Variants in UBE2K observed in about 807,000 individuals in gnomAD.
UBE2K encodes the protein ubiquitin-conjugating enzyme E2 K.
A neutral mutation model predicts 30.0 loss-of-function variants in UBE2K; 6 were observed. That is an observed-to-expected ratio of 0.20 (90% confidence interval 0.11 to 0.39). The LOEUF is 0.39. Among genes scored for constraint, UBE2K ranks in the 10% least tolerant of loss-of-function variants. The probability of loss-of-function intolerance (pLI) is 1.00; values close to 1 mark genes in which losing one functional copy is unlikely to be tolerated. For synonymous variants in UBE2K, 86 were observed against 83.7 expected, an observed-to-expected ratio of 1.03 and a Z score of -0.15; for missense variants, 61 against 241.6, an observed-to-expected ratio of 0.25 and a Z score of 4.96.
At chr4:39,710,709 G>A (rs1718618902) in intron 1 of UBE2K, among the ~76,000 whole-genome samples, 1 of 152,078 alleles carries the variant, frequency 6.6e-6, no homozygotes, top group Non-Finnish European at 1.5e-5. Flanking sequence ...TTTGAAACCA[G>A]GTCTGTGCGT....
At chr4:39,714,810 A>C (rs544501895) in intron 1 of UBE2K, among the ~76,000 whole-genome samples, 1 of 150,940 alleles carries the variant, frequency 6.6e-6, no homozygotes, top group South Asian at 2.1e-4. Flanking sequence ...TGGCCTCCCT[A>C]AGTGCTGGGA....
intron 4 of UBE2K, chr4:39,771,034 T>A: frequency 1.2e-6 from 2 of 1,612,356 alleles, no homozygotes; most frequent in African/African-American, 2.7e-5. Context: ...GACCCCATCC[T>A]CTTTGAGGCC....
At chr4:39,752,322 TTTCTTTTTTTTTC>T (rs1467720847) in intron 3 of UBE2K, among the ~76,000 whole-genome samples, 1,169 of 109,186 alleles carry the variant, frequency 0.011, 24 homozygotes, top group South Asian at 0.021. Context: ...TTTTTTTTTT[TTTCTTTTTTTTTC>T]TTTTTTTTTT....
At chr4:39,768,866 TTATC>T (rs1712537377) in intron 4 of UBE2K, among the ~76,000 whole-genome samples, 1 of 152,172 alleles carries the variant, frequency 6.6e-6, no homozygotes, top group Non-Finnish European at 1.5e-5. Flanking sequence ...TGTTTTTTAT[TTATC>T]TATTTTTGAT....
chr4:39,770,134 C>A, intron 4 of UBE2K: 1 of 1,596,438 alleles, frequency 6.3e-7, no homozygotes, highest in Non-Finnish European at 8.5e-7. Flanking sequence ...ACGTTCTCGG[C>A]GGTGGTCTTG....
intron 2 of UBE2K, among the ~76,000 whole-genome samples, chr4:39,741,614 T>C (rs567414444): frequency 1.3e-5 from 2 of 152,348 alleles, no homozygotes; most frequent in Admixed American, 6.5e-5. Flanking sequence ...GCTGTTTTTG[T>C]AGTATTTAAA....
intron 1 of UBE2K, chr4:39,714,108 G>A (rs1718873272): frequency 6.6e-6 from 1 of 152,272 alleles, no homozygotes; most frequent in Admixed American, 6.6e-5. Flanking sequence ...TAGAGATGAG[G>A]TCTCAGCCTA....
intron 1 of UBE2K, among the ~76,000 whole-genome samples, chr4:39,721,422 C>T (rs1440582441): frequency 6.6e-6 from 1 of 152,154 alleles, no homozygotes; most frequent in Admixed American, 6.5e-5. Context: ...GGCTCAATCA[C>T]AGCTCACTGC....
At position 39,698,333 on chromosome 4, in the gene UBE2K, C is replaced by A; in HGVS notation, c.6C>A (p.Ala2=). 1 of 1,612,714 alleles carries A rather than the reference C, an allele frequency of 6.2e-7. No homozygotes were observed. Among genetic ancestry groups the A allele is most frequent in the Non-Finnish European group, 8.5e-7 (1 of 1,179,552 alleles). Residue 2 remains alanine (A), a synonymous_variant, in exon 1 of 7, where the codon GCC becomes GCA. Coordinates refer to ENST00000261427, the MANE Select transcript of UBE2K (RefSeq NM_005339.5). Reference sequence around the variant, plus strand: ...AATCAGCTGCGGGCGGAGACATGGCCAACATCGCGGTGCAGCGAATCAAGC... The same window carrying A: ...AATCAGCTGCGGGCGGAGACATGGCAAACATCGCGGTGCAGCGAATCAAGC... M[A]NIAVQRIKRE... is the part of the protein sequence containing the mutation.
chr4:39,755,648 A>T lies in UBE2K; in HGVS notation c.217-9A>T. On this transcript the variant is annotated splice_polypyrimidine_tract_variant and intron_variant, in intron 3 of 6. Coordinates refer to ENST00000261427, the MANE Select transcript of UBE2K (RefSeq NM_005339.5). ...TTACTGAAAAACTCAAGTGTGCTTT[A>T]TATTCTAGGTCCGGTTTATCACTAA... is the stretch of plus-strand genomic sequence containing the variant. 6.2e-7 allele frequency: 1 copy of T among 1,600,424 alleles called. No homozygotes were observed. The highest frequency in any genetic ancestry group is 2.3e-5 in the East Asian group (1 of 44,384).
At chr4:39,770,404 G>C in intron 4 of UBE2K, 2 of 1,612,960 alleles carry the variant, frequency 1.2e-6, no homozygotes, top group Non-Finnish European at 1.7e-6. Flanking sequence ...TGCTGCTGCC[G>C]CATGTGGAAG....
chr4:39,762,791 C>T (rs1431428066), intron 4 of UBE2K, among the ~76,000 whole-genome samples: 2 of 151,952 alleles, frequency 1.3e-5, no homozygotes, highest in Admixed American at 6.6e-5. Flanking sequence ...CGTGCTATCA[C>T]GCCTGGCTAG....
rs1441001594 is a variant in UBE2K, at chr4:39,752,591, C to T, written c.217-3066C>T. On this transcript the variant is annotated intron_variant, in intron 3 of 6. Transcript: ENST00000261427. ...GACCTTGTGATCCACCTGCCTCGCC[C>T]TCCCAAAGTGCTGGGATTACAGGCA... Among the ~76,000 whole-genome samples, 4 of 152,228 alleles carry T rather than the reference C, an allele frequency of 2.6e-5. No homozygotes were observed. The East Asian group carries it at 7.7e-4, about 29-fold the overall frequency.
Position 39,778,402 on chromosome 4 carries a change from G to C in UBE2K, c.571G>C (p.Glu191Gln). The C allele has an allele frequency of 6.2e-7, 1 of 1,613,324 alleles. No homozygotes were observed. The highest frequency in any genetic ancestry group is 8.5e-7 in the Non-Finnish European group (1 of 1,179,600). Residue 191 changes from glutamate to glutamine, a missense_variant, in exon 7 of 7, where the codon GAG (glutamate) becomes CAG (glutamine). By Grantham distance (29) the Glu-to-Gln change is conservative. Transcript: ENST00000261427. Reference protein sequence around the residue: ...VALSSKSWDVETATELLLSN With the variant: ...VALSSKSWDVQTATELLLSN Reference sequence around the variant, plus strand: ...CTTGTCTTCAAAATCATGGGATGTAGAGACTGCAACAGAATTGCTTCTGAG... The same window carrying C: ...CTTGTCTTCAAAATCATGGGATGTACAGACTGCAACAGAATTGCTTCTGAG...
intron 4 of UBE2K, chr4:39,771,338 C>A (rs1196681192): frequency 6.2e-7 from 1 of 1,612,580 alleles, no homozygotes; most frequent in South Asian, 1.1e-5. Flanking sequence ...ATGGTCACGT[C>A]GCAGAACCAC....
chr4:39,699,705 A>G (rs953070975), intron 1 of UBE2K, among the ~76,000 whole-genome samples: 7 of 152,218 alleles, frequency 4.6e-5, no homozygotes, highest in Non-Finnish European at 1.0e-4. Flanking sequence ...GTCAATAATA[A>G]TTTGTGAAAT....
chr4:39,770,261 G>T, intron 4 of UBE2K: 6 of 1,609,612 alleles, frequency 3.7e-6, no homozygotes, highest in Non-Finnish European at 5.1e-6. Flanking sequence ...CGTGCAGGGT[G>T]GACTTCTGTG....
At chr4:39,770,969 C>G (rs907757114) in intron 4 of UBE2K, 40 of 1,596,862 alleles carry the variant, frequency 2.5e-5, no homozygotes, top group Non-Finnish European at 3.3e-5. Flanking sequence ...GGGGTCCTGG[C>G]TGGAGGGAGG....
intron 3 of UBE2K, among the ~76,000 whole-genome samples, chr4:39,751,016 G>T (rs4974948): frequency 0.52 from 79,301 of 151,714 alleles, 21,429 homozygotes; most frequent in Admixed American, 0.64. Flanking sequence ...GAAGTATTGG[G>T]ATTACAGGTA....
Sources: allele counts gnomAD v4.1 joint callset (sites outside exome capture counted in the v4.1 genomes callset), GRCh38; gene constraint gnomAD v4.1.1; transcripts MANE v1.5; gene names NCBI Gene and HGNC (gene_info 2026-07-23, HGNC 2026-07-21).